Variants in FOXP2 observed in about 807,000 individuals in gnomAD.
The protein encoded by FOXP2 is forkhead box protein P2.
Under a neutral mutation model 115.8 loss-of-function variants are expected in FOXP2, and 12 were observed. That is an observed-to-expected ratio of 0.10 (90% CI 0.07 to 0.17). The LOEUF is 0.17. FOXP2 is among the 10% of genes least tolerant of loss of function. The probability of loss-of-function intolerance (pLI) is 1.00; values close to 1 mark genes in which losing one functional copy is unlikely to be tolerated. For synonymous variants in FOXP2, 328 were observed against 297.7 expected, an observed-to-expected ratio of 1.10 and a Z score of -1.05; for missense variants, 629 against 843.5, an observed-to-expected ratio of 0.75 and a Z score of 3.15.
intron 2 of FOXP2, among the ~76,000 whole-genome samples, chr7:114,503,808 C>T (rs959733874): frequency 6.6e-6 from 1 of 150,988 alleles, no homozygotes; most frequent in Non-Finnish European, 1.5e-5. Flanking sequence ...TTTTTGTCCC[C>T]ACTGGTTCCT....
At chr7:114,609,821 C>T (rs565870570) in intron 3 of FOXP2, among the ~76,000 whole-genome samples, 1 of 152,224 alleles carries the variant, frequency 6.6e-6, no homozygotes, top group Non-Finnish European at 1.5e-5. Context: ...TGTCAACATT[C>T]CCATTGTCAG....
At chr7:114,686,941 T>G (rs764632057) in intron 16 of FOXP2, among the ~76,000 whole-genome samples, 20 of 152,158 alleles carry the variant, frequency 1.3e-4, no homozygotes, top group Admixed American at 2.6e-4. Flanking sequence ...AGGATCCAAA[T>G]GTTTTTTGAA....
chr7:114,127,623 AAG>A (rs1791750912), intron 1 of FOXP2, among the ~76,000 whole-genome samples: 1 of 152,224 alleles, frequency 6.6e-6, no homozygotes, highest in African/African-American at 2.4e-5. Flanking sequence ...GATGAAGTAG[AAG>A]AGTTTGCCAA....
At position 114,306,891 on chromosome 7, in the gene FOXP2, C is replaced by G. The variant is rs116955986; in HGVS notation, c.-11+18782C>G. On this transcript the variant is annotated intron_variant, in intron 2 of 17. Transcript: ENST00000634411. ...TGAGCCTTTCTAACATCACATAACT[C>G]TGACATTGGCCTCCTCTGCCTACCT... Among the ~76,000 whole-genome samples, 1,494 of 152,216 alleles carry G rather than the reference C, an allele frequency of 9.8e-3. 8 individuals carry two copies. Among genetic ancestry groups the G allele is most frequent in the Non-Finnish European group, 0.017 (1,124 of 68,000 alleles).
intron 1 of FOXP2, among the ~76,000 whole-genome samples, chr7:114,189,222 G>T (rs1793692302): frequency 6.6e-6 from 1 of 152,086 alleles, no homozygotes; most frequent in African/African-American, 2.4e-5. Context: ...CATGTACATA[G>T]ATTTAACTAC....
chr7:114,593,885 T>A (rs1370570954), intron 3 of FOXP2, among the ~76,000 whole-genome samples: 2 of 152,044 alleles, frequency 1.3e-5, no homozygotes, highest in East Asian at 3.8e-4. Flanking sequence ...AAATATTTAT[T>A]AGTTGATTGA....
chr7:114,531,339 T>C (rs1006893806), intron 2 of FOXP2, among the ~76,000 whole-genome samples: 1 of 151,918 alleles, frequency 6.6e-6, no homozygotes, highest in African/African-American at 2.4e-5. Flanking sequence ...ATTTGACACC[T>C]AACATTTTAT....
At chr7:114,114,541 T>C (rs938475573) in intron 1 of FOXP2, among the ~76,000 whole-genome samples, 1 of 152,118 alleles carries the variant, frequency 6.6e-6, no homozygotes, top group Non-Finnish European at 1.5e-5. Flanking sequence ...TTAAATCTTT[T>C]GAAACAACAA....
intron 16 of FOXP2, among the ~76,000 whole-genome samples, chr7:114,681,584 G>C (rs966571513): frequency 4.6e-5 from 7 of 152,156 alleles, no homozygotes; most frequent in African/African-American, 7.2e-5. Flanking sequence ...ACTATGTACA[G>C]AGCATTTCAA....
intron 2 of FOXP2, among the ~76,000 whole-genome samples, chr7:114,351,792 T>C (rs1791496091): frequency 6.6e-6 from 1 of 152,118 alleles, no homozygotes; most frequent in Non-Finnish European, 1.5e-5. Flanking sequence ...GAAATTAATG[T>C]CATAATCGGA....
intron 3 of FOXP2, among the ~76,000 whole-genome samples, chr7:114,601,754 T>C (rs922400001): frequency 6.6e-6 from 1 of 152,130 alleles, no homozygotes; most frequent in Non-Finnish European, 1.5e-5. Context: ...TAGAAGTTCA[T>C]CATTTTATTT....
chr7:114,468,416 C>A (rs1404719153), intron 2 of FOXP2, among the ~76,000 whole-genome samples: 3 of 152,092 alleles, frequency 2.0e-5, no homozygotes, highest in Non-Finnish European at 2.9e-5. Flanking sequence ...TTATTACCTT[C>A]AGGATAAAAT....
At chr7:114,212,070 A>AAAAATAAATAAAATAAAAT (rs1794367506) in intron 1 of FOXP2, among the ~76,000 whole-genome samples, 1 of 131,730 alleles carries the variant, frequency 7.6e-6, no homozygotes, top group Non-Finnish European at 1.6e-5. Context: ...ACTCAGTTTC[A>AAAAATAAATAAAATAAAAT]AAAATAAATA....
chr7:114,621,964 C>T (rs1241377812), intron 3 of FOXP2, among the ~76,000 whole-genome samples: 1 of 151,870 alleles, frequency 6.6e-6, no homozygotes, highest in East Asian at 1.9e-4. Context: ...TTCAAACAGG[C>T]TAAATATTTT....
At chr7:114,086,913 G>A (rs958787374), upstream of FOXP2, among the ~76,000 whole-genome samples, 6 of 152,206 alleles carry the variant, frequency 3.9e-5, no homozygotes, top group Non-Finnish European at 8.8e-5. Context: ...GCTCACGGAT[G>A]ATTTTTAGTT....
At chr7:114,101,221 T>C (rs1790941185) in intron 1 of FOXP2, among the ~76,000 whole-genome samples, 1 of 152,112 alleles carries the variant, frequency 6.6e-6, no homozygotes, top group Non-Finnish European at 1.5e-5. Context: ...GTAAGCAAAT[T>C]TACTCTTTCT....
intron 3 of FOXP2, among the ~76,000 whole-genome samples, chr7:114,559,544 A>G (rs7783870): frequency 0.15 from 22,836 of 152,160 alleles, 2,184 homozygotes; most frequent in African/African-American, 0.27. Flanking sequence ...TGAACTTGAC[A>G]CTGTTATATT....
intron 2 of FOXP2, among the ~76,000 whole-genome samples, chr7:114,489,198 A>T (rs1334004410): frequency 6.6e-6 from 1 of 152,178 alleles, no homozygotes; most frequent in Non-Finnish European, 1.5e-5. Flanking sequence ...TGTAATTAAG[A>T]TTAATTTTTC....
In FOXP2 at chr7:114,300,829, A is replaced by C. The variant is rs1796862533; in HGVS notation, c.-11+12720A>C. ...GCTACTAAATGGCTTATCTTTAAAAACTGTCTTTCATAAAATCTGAAAAGC... is the reference window on the plus strand; with the variant it reads ...GCTACTAAATGGCTTATCTTTAAAACCTGTCTTTCATAAAATCTGAAAAGC... On this transcript the variant is annotated intron_variant, in intron 2 of 17. Transcript: ENST00000634411. Among the ~76,000 whole-genome samples, 2 of 151,916 alleles carry C rather than the reference A, an allele frequency of 1.3e-5. 1 individual carries two copies. The highest frequency in any genetic ancestry group is 4.1e-4 in the South Asian group (2 of 4,830).
Sources: allele counts gnomAD v4.1 joint callset (sites outside exome capture counted in the v4.1 genomes callset), GRCh38; gene constraint gnomAD v4.1.1; transcripts MANE v1.5; gene names NCBI Gene and HGNC (gene_info 2026-07-23, HGNC 2026-07-21).